USP6NL: variants seen among roughly 807,000 people sequenced by gnomAD.
USP6NL encodes USP6 N-terminal-like protein.
Under a neutral mutation model 61.9 loss-of-function variants are expected in USP6NL, and 26 were observed. The observed-to-expected ratio is 0.42, with a 90% CI of 0.31 to 0.58. The LOEUF (loss-of-function observed/expected upper bound fraction) is 0.58, where lower values mean the gene tolerates loss of function less well. Among genes scored for constraint, USP6NL ranks in the 20% least tolerant of loss-of-function variants. USP6NL has a pLI of 0.16. For missense variants in USP6NL, 1,114 were observed against 1,034.3 expected, an observed-to-expected ratio of 1.08 and a Z score of -1.06; for synonymous variants, 432 against 390.1, an observed-to-expected ratio of 1.11 and a Z score of -1.27.
intron 2 of USP6NL, among the ~76,000 whole-genome samples, chr10:11,531,109 A>G (rs554303362): frequency 6.6e-6 from 1 of 152,342 alleles, no homozygotes; most frequent in South Asian, 2.1e-4. Flanking sequence ...TATCCCAAAA[A>G]TTCACACCGC....
intron 14 of USP6NL, among the ~76,000 whole-genome samples, chr10:11,469,052 C>T (rs1483044311): frequency 8.5e-5 from 13 of 152,144 alleles, no homozygotes. Context: ...TAATAGTCTA[C>T]ACATCACACA....
chr10:11,484,975 G>A lies in USP6NL; in HGVS notation c.921C>T (p.His307=). The change falls in exon 13 of 15, where the codon CAC becomes CAT. Residue 307 remains histidine, a synonymous_variant. Coordinates refer to ENST00000609104, the MANE Select transcript of USP6NL (RefSeq NM_014688.5). ...TAMSYTILKL[H]KKHLMKLSME... ...AGAGTTTAAGCATTTTCTTACTTTT[G>A]TGTAATTTTAAGATGGTGTAAGACA... is the stretch of plus-strand genomic sequence containing the variant. 3 of 1,519,464 alleles carry A rather than the reference G, an allele frequency of 2.0e-6. No individual in the cohort carries two copies. Among genetic ancestry groups the A allele is most frequent in the Non-Finnish European group, 2.6e-6 (3 of 1,137,470 alleles). The allele number at this position is 1,519,464 out of a possible 1,614,324, so 94.1% of individuals were successfully genotyped here.
At position 11,577,033 on chromosome 10, in the gene USP6NL, A is replaced by T. The variant is rs1234386930; in HGVS notation, c.4+20598T>A. On this transcript the variant is annotated intron_variant, in intron 2 of 14. Coordinates refer to ENST00000609104, the MANE Select transcript of USP6NL (RefSeq NM_014688.5). The stretch of plus-strand genomic sequence containing the variant: ...CTAGGTCCTCCTAAAATCCTTTTTT[A>T]AAAATATATAATTTTCCTTTAGAAT... 2.6e-5 allele frequency among the ~76,000 whole-genome samples: 4 copies of T among 151,952 alleles called. No homozygotes were observed. The East Asian group carries it at 5.8e-4, about 22-fold the overall frequency.
intron 5 of USP6NL, among the ~76,000 whole-genome samples, chr10:11,515,342 G>A (rs962201099): frequency 6.6e-6 from 1 of 152,176 alleles, no homozygotes; most frequent in Non-Finnish European, 1.5e-5. Flanking sequence ...AGAAATCTTG[G>A]GATTTGCTCA....
intron 1 of USP6NL, among the ~76,000 whole-genome samples, chr10:11,599,835 AT>A (rs1838457384): frequency 2.1e-5 from 3 of 140,978 alleles, no homozygotes; most frequent in African/African-American, 5.4e-5. Context: ...AATTTTTTGT[AT>A]TTTTCACAGA....
At chr10:11,472,313 T>A (rs1173906750) in intron 14 of USP6NL, among the ~76,000 whole-genome samples, 2 of 152,254 alleles carry the variant, frequency 1.3e-5, no homozygotes, top group Admixed American at 6.5e-5. Context: ...CTGCTTGATC[T>A]TACTCTGGTC....
In USP6NL at chr10:11,462,864, T is replaced by C; in HGVS notation, c.2064A>G (p.Pro688=). 1.2e-6 allele frequency: 2 copies of C among 1,613,890 alleles called. No individual in the cohort carries two copies. Among genetic ancestry groups the C allele is most frequent in the Non-Finnish European group, 8.5e-7 (1 of 1,179,862 alleles). ...SASPEKSYSR[P]SPLVLPSSRI... is the part of the protein sequence containing the mutation. ...GACTAGACGGCAGTACAAGGGGGCTTGGGCGGCTGTAAGATTTCTCCGGAG... is the reference window on the plus strand; with the variant it reads ...GACTAGACGGCAGTACAAGGGGGCTCGGGCGGCTGTAAGATTTCTCCGGAG... Residue 688 remains proline, a synonymous_variant, in exon 15 of 15, where the codon CCA becomes CCG. Transcript: ENST00000609104.
At position 11,540,634 on chromosome 10, in the gene USP6NL, A is replaced by G. The variant is rs1434004023; in HGVS notation, c.5-13067T>C. Among the ~76,000 whole-genome samples the G allele has an allele frequency of 6.6e-6, 1 of 152,216 alleles. No individual in the cohort carries two copies. The highest frequency in any genetic ancestry group is 1.5e-5 in the Non-Finnish European group (1 of 68,024). On this transcript the variant is annotated intron_variant, in intron 2 of 14. Transcript: ENST00000609104. The surrounding 1 kb of genome is among the most constrained non-coding windows in gnomAD (Gnocchi z 5.0). ...CAGCAAATTCTTGCAGACCAGATAT[A>G]AGAAGATAATTCATAGACTGCCCAC...
In USP6NL at chr10:11,491,882, T is replaced by C. The variant is rs374715495; in HGVS notation, c.495-1002A>G. Among the ~76,000 whole-genome samples, 1 of 152,220 alleles carries C rather than the reference T, an allele frequency of 6.6e-6. No homozygotes were observed. The highest frequency in any genetic ancestry group is 1.5e-5 in the Non-Finnish European group (1 of 68,040). On this transcript the variant is annotated intron_variant, in intron 8 of 14. Coordinates refer to ENST00000609104, the MANE Select transcript of USP6NL (RefSeq NM_014688.5). This position sits in a 1 kb window ranked among gnomAD's most constrained non-coding sequence, Gnocchi z 4.7. ...TGGAATGGGCAGTGAAACGTGGCAT[T>C]ATAAACACCACCTGTGACCACATGA...
chr10:11,573,058 C>T (rs1035822110), intron 2 of USP6NL, among the ~76,000 whole-genome samples: 4 of 152,044 alleles, frequency 2.6e-5, no homozygotes, highest in Non-Finnish European at 5.9e-5. Flanking sequence ...ATATAATTAA[C>T]ATTGACTAAA....
Position 11,463,700 on chromosome 10 carries a change from T to C in USP6NL, c.1228A>G (p.Arg410Gly). The change falls in exon 15 of 15, where the codon AGG becomes GGG. Residue 410 changes from arginine to glycine, a missense_variant. Physicochemically the swap from Arg to Gly is moderately radical, Grantham distance 125 (BLOSUM62 -2). Transcript: ENST00000609104. The surrounding 1 kb of genome is among the most constrained non-coding windows in gnomAD (Gnocchi z 6.3). ...GGGTGCGGGGAGTGCTCGTGCCTCCTGTGGGGCGCCCCGCTCTCCCTCCTG... is the reference window on the plus strand; with the variant it reads ...GGGTGCGGGGAGTGCTCGTGCCTCCCGTGGGGCGCCCCGCTCTCCCTCCTG... ...SGRRESGAPH[R>G]RHEHSPHPQS... 6.2e-7 allele frequency: 1 copy of C among 1,612,872 alleles called. No homozygotes were observed. The highest frequency in any genetic ancestry group is 8.5e-7 in the Non-Finnish European group (1 of 1,179,304).
rs1315874327 is a variant in USP6NL at position 11,472,336 on chromosome 10, C to CA, written c.1079-8488dup. 2.6e-5 allele frequency among the ~76,000 whole-genome samples: 4 copies of CA among 152,342 alleles called. No individual in the cohort carries two copies. The East Asian group carries it at 7.7e-4, about 29-fold the overall frequency. On this transcript the variant is annotated intron_variant, in intron 14 of 14. Transcript: ENST00000609104. ...TCTTACTCTGGTCTCTGTCACCCCC[C>CA]AGTGGACGCCACACTCAACTACAAG... is the stretch of plus-strand genomic sequence containing the variant.
rs892227753 is a variant in USP6NL at position 11,553,541 on chromosome 10, T to G, written c.5-25974A>C. 6.6e-6 allele frequency among the ~76,000 whole-genome samples: 1 copy of G among 152,182 alleles called. No homozygotes were observed. Among genetic ancestry groups the G allele is most frequent in the Non-Finnish European group, 1.5e-5 (1 of 68,038 alleles). ...TATATTATGGGAATATATACTTACA[T>G]CCATTCATTGAACCCTCACTCCATT... On this transcript the variant is annotated intron_variant, in intron 2 of 14. Transcript: ENST00000609104. The surrounding 1 kb of genome is among the most constrained non-coding windows in gnomAD (Gnocchi z 4.8).
In USP6NL at chr10:11,591,178, A is replaced by G. The variant is rs945818669; in HGVS notation, c.4+6453T>C. Among the ~76,000 whole-genome samples, 2 of 152,180 alleles carry G rather than the reference A, an allele frequency of 1.3e-5. No homozygotes were observed. Among genetic ancestry groups the G allele is most frequent in the Non-Finnish European group, 2.9e-5 (2 of 68,038 alleles). On this transcript the variant is annotated intron_variant, in intron 2 of 14. Transcript: ENST00000609104. The surrounding 1 kb of genome is among the most constrained non-coding windows in gnomAD (Gnocchi z 4.7). ...CAAGTCTCTGGGACTCTGGGAACAT[A>G]AAGAGGCCAGCCACTGGAAAACTTA...
rs773136978 is a variant in USP6NL, at chr10:11,462,621, G to A, written c.2307C>T (p.Leu769=). ...GGAGGCCATGGTCCTGAAAGGGTGC[G>A]AGTTGAAAGGCTGAGTATTTTGGTA... ...GNLPKYSAFQ[L]APFQDHGLPA... The change falls in exon 15 of 15, where the codon CTC becomes CTT. Residue 769 remains leucine, a synonymous_variant. Transcript: ENST00000609104. 2.5e-5 allele frequency: 40 copies of A among 1,613,896 alleles called. No homozygotes were observed. The Admixed American group carries it at 2.7e-4, about 11-fold the overall frequency.
At chr10:11,486,012 A>G (rs1833452165) in intron 10 of USP6NL, 101 bp from the exon 11 acceptor site, 1 of 841,522 alleles carries the variant, frequency 1.2e-6, no homozygotes, top group Non-Finnish European at 1.8e-6. Context: ...AAAAATAAAA[A>G]GAAACATTCA....
In USP6NL at chr10:11,600,863, G is replaced by C. The variant is rs910840910; in HGVS notation, c.-83-3146C>G. ...GCCGCCTGTAATGCCAGCTACTGGAGAGGCTGAGGCAAGAGAATTGCTTGA... is the reference window on the plus strand; with the variant it reads ...GCCGCCTGTAATGCCAGCTACTGGACAGGCTGAGGCAAGAGAATTGCTTGA... On this transcript the variant is annotated intron_variant, in intron 1 of 14. Coordinates refer to ENST00000609104, the MANE Select transcript of USP6NL (RefSeq NM_014688.5). The surrounding 1 kb of genome is among the most constrained non-coding windows in gnomAD (Gnocchi z 4.1). Among the ~76,000 whole-genome samples the C allele has an allele frequency of 2.6e-5, 4 of 152,128 alleles. No individual in the cohort carries two copies. Among genetic ancestry groups the C allele is most frequent in the Non-Finnish European group, 5.9e-5 (4 of 68,026 alleles).
chr10:11,571,539 A>G (rs1837361714), intron 2 of USP6NL, among the ~76,000 whole-genome samples: 1 of 152,144 alleles, frequency 6.6e-6, no homozygotes, highest in Non-Finnish European at 1.5e-5. Flanking sequence ...TTTTCTCTTC[A>G]CAAATCAATT....
At chr10:11,498,945 G>A (rs931559945) in intron 7 of USP6NL, among the ~76,000 whole-genome samples, 1 of 152,106 alleles carries the variant, frequency 6.6e-6, no homozygotes, top group Non-Finnish European at 1.5e-5. Context: ...CAACCTAGAA[G>A]AAAAGATTCT....
Sources: gnomAD v4.1 joint callset for allele counts (sites outside exome capture counted in the v4.1 genomes callset) on GRCh38, gnomAD v4.1.1 for gene constraint, Gnocchi (gnomAD v3.1) non-coding constraint, MANE v1.5 for transcripts, NCBI Gene and HGNC (gene_info 2026-07-23, HGNC 2026-07-21) for gene names.